The following WLS variants were observed in gnomAD, a reference collection of about 807,000 sequenced individuals.
WLS encodes protein wntless homolog.
Under a neutral mutation model 62.8 loss-of-function variants are expected in WLS, and 23 were observed. The observed-to-expected ratio is 0.37, with a 90% CI of 0.26 to 0.52. WLS has a LOEUF of 0.52. WLS is among the 20% of genes least tolerant of loss of function. WLS has a pLI of 0.92. For synonymous variants in WLS, 246 were observed against 244.1 expected, an observed-to-expected ratio of 1.01 and a Z score of -0.07; for missense variants, 615 against 697.3, an observed-to-expected ratio of 0.88 and a Z score of 1.33.
chr1:68,161,792 T>G, intron 2 of WLS: 1 of 1,601,928 alleles, frequency 6.2e-7, no homozygotes. Flanking sequence ...TCCCCGTGTT[T>G]TGTGGGCTGG....
chr1:68,231,701 A>G (rs1391379002), intron 1 of WLS: 1 of 457,780 alleles, frequency 2.2e-6, no homozygotes, highest in African/African-American at 2.0e-5. Flanking sequence ...TGCATTTACA[A>G]CCGTGCAAGT....
At chr1:68,167,063 G>A (rs1647070188) in intron 2 of WLS, among the ~76,000 whole-genome samples, 1 of 152,184 alleles carries the variant, frequency 6.6e-6, no homozygotes, top group Admixed American at 6.5e-5. Flanking sequence ...GTCAATCTTA[G>A]CAGACCTGGT....
exon 12 of WLS, chr1:68,098,702 T>C (rs144056669): frequency 1.1e-5 from 17 of 1,613,840 alleles, no homozygotes; most frequent in Non-Finnish European, 1.4e-5. Flanking sequence ...TTGATAAAGT[T>C]CCGAAACAAA....
In WLS at chr1:68,232,505, T is replaced by C. The variant is rs547365278; in HGVS notation, c.-206A>G. The C allele has an allele frequency of 6.6e-6, 7 of 1,063,084 alleles. No individual in the cohort carries two copies. The South Asian group carries it at 1.1e-4, about 16-fold the overall frequency. 65.9% of individuals were successfully genotyped at this position (1,063,084 alleles called of 1,614,324 possible). A position where few individuals can be genotyped will look rare whatever the true frequency, so the allele number is the denominator to read the frequency against. On this transcript the variant is annotated 5_prime_UTR_variant, in exon 1 of 12. Coordinates refer to ENST00000262348, the MANE Select transcript of WLS (RefSeq NM_024911.7). ...GCGCAGCCGGCTCGGGTTCCCCCAA[T>C]GCCCGGAGCTGTGATTGTGGCCGCT...
intron 6 of WLS, 92 bp downstream of exon 6, chr1:68,150,096 C>T: frequency 1.5e-6 from 2 of 1,378,690 alleles, no homozygotes; most frequent in Non-Finnish European, 1.0e-6. Flanking sequence ...GTCTCACCCA[C>T]TGCTGACTAG....
Position 68,180,903 on chromosome 1 carries a change from TTAC to T in WLS, c.379+13049_379+13051del, listed in dbSNP as rs370295283. Among the ~76,000 whole-genome samples, 56 of 152,310 alleles carry T rather than the reference TTAC, an allele frequency of 3.7e-4. 1 individual carries two copies. Among genetic ancestry groups the T allele is most frequent in the African/African-American group, 1.3e-3 (53 of 41,568 alleles). On this transcript the variant is annotated intron_variant, in intron 2 of 11. Transcript: ENST00000262348. ...CAGAACCTCTTCTTCCTATAAAGAATTACTACTATCTCTCTACTAACACCATTA... is the reference window on the plus strand; with the variant it reads ...CAGAACCTCTTCTTCCTATAAAGAATTACTATCTCTCTACTAACACCATTA...
At chr1:68,224,044 T>C (rs188704626) in intron 1 of WLS, among the ~76,000 whole-genome samples, 23 of 152,366 alleles carry the variant, frequency 1.5e-4, no homozygotes, top group Non-Finnish European at 2.9e-4. Context: ...CTTGGCCTTT[T>C]CTTTCAATTA....
intron 1 of WLS, among the ~76,000 whole-genome samples, chr1:68,198,873 A>G (rs1047316195): frequency 2.5e-4 from 38 of 152,252 alleles, no homozygotes; most frequent in African/African-American, 9.2e-4. Context: ...TAAGTGAACA[A>G]TGACTAAACC....
At chr1:68,105,534 A>AT (rs1362890589) in intron 11 of WLS, among the ~76,000 whole-genome samples, 2 of 152,214 alleles carry the variant, frequency 1.3e-5, no homozygotes, top group Non-Finnish European at 2.9e-5. Context: ...ATTCCAAACT[A>AT]TGAAACAAAG....
At chr1:68,212,770 C>T (rs1649566675) in intron 1 of WLS, among the ~76,000 whole-genome samples, 1 of 152,142 alleles carries the variant, frequency 6.6e-6, no homozygotes, top group Non-Finnish European at 1.5e-5. Context: ...TTTAAGCTTT[C>T]AGATCTATAG....
intron 11 of WLS, chr1:68,127,142 C>A: frequency 2.6e-6 from 1 of 383,412 alleles, no homozygotes; most frequent in African/African-American, 2.2e-5. Context: ...CTGCAGTGAG[C>A]TATGATTGCA....
intron 2 of WLS, chr1:68,162,497 C>T: frequency 6.2e-7 from 1 of 1,613,888 alleles, no homozygotes; most frequent in Admixed American, 1.7e-5. Context: ...AAGGCCTTGG[C>T]TCGAACTGCA....
chr1:68,144,475 T>TC (rs1421903583), intron 10 of WLS, 94 bp downstream of exon 10: 3 of 1,255,588 alleles, frequency 2.4e-6, no homozygotes, highest in Non-Finnish European at 2.2e-6. Context: ...ATGGCCTCTC[T>TC]CCTCCTTTCC....
chr1:68,230,582 T>TAC (rs1650360942), intron 1 of WLS, among the ~76,000 whole-genome samples: 5 of 142,396 alleles, frequency 3.5e-5, no homozygotes, highest in African/African-American at 1.3e-4. Context: ...TGTGTGTGTG[T>TAC]GCGCGCGTGT....
At chr1:68,222,480 G>A (rs1013598750) in intron 1 of WLS, among the ~76,000 whole-genome samples, 5 of 152,090 alleles carry the variant, frequency 3.3e-5, no homozygotes, top group African/African-American at 9.7e-5. Flanking sequence ...AAAATCAATC[G>A]AGCTATAAGA....
At position 68,125,532 on chromosome 1, in the gene WLS, A is replaced by C. The variant is rs754254759; in HGVS notation, c.*694T>G. 8.2e-5 allele frequency: 81 copies of C among 985,336 alleles called. No homozygotes were observed. The highest frequency in any genetic ancestry group is 9.5e-5 in the Non-Finnish European group (79 of 829,938). The allele number at this position is 985,336 out of a possible 1,614,324, so 61.0% of individuals were successfully genotyped here. A position where few individuals can be genotyped will look rare whatever the true frequency, so the allele number is the denominator to read the frequency against. On this transcript the variant is annotated 3_prime_UTR_variant, in exon 12 of 12. Coordinates refer to ENST00000262348, the MANE Select transcript of WLS (RefSeq NM_024911.7). ...AGACCCGAAGGCCATTTAATACAGT[A>C]AATCTTACTTGGGTAGTTTAGCAAA...
intron 5 of WLS, among the ~76,000 whole-genome samples, chr1:68,150,848 T>A (rs1031245508): frequency 2.6e-5 from 4 of 152,230 alleles, no homozygotes; most frequent in African/African-American, 9.6e-5. Context: ...TTAGCTTTTA[T>A]TTTACTCTTC....
chr1:68,100,510 T>C lies in WLS; in HGVS notation c.1511-1757A>G, dbSNP rs890658936. Among the ~76,000 whole-genome samples the C allele has an allele frequency of 1.1e-4, 16 of 152,146 alleles. No individual in the cohort carries two copies. The South Asian group carries it at 3.3e-3, about 32-fold the overall frequency. On this transcript the variant is annotated intron_variant, in intron 11 of 11. Coordinates refer to the WLS transcript ENST00000354777. ...AAACACATAGTAGAGTTCCTTTAAA[T>C]ATAGTAAATCTTCAACTTTGAGGAA... is the stretch of plus-strand genomic sequence containing the variant.
intron 9 of WLS, 122 bp downstream of exon 9, chr1:68,145,747 G>T: frequency 6.8e-7 from 1 of 1,469,680 alleles, no homozygotes; most frequent in Non-Finnish European, 9.1e-7. Context: ...GATCCTACAT[G>T]AGAATCTCTC....
Sources: gnomAD v4.1 joint callset for allele counts (sites outside exome capture counted in the v4.1 genomes callset) on GRCh38, gnomAD v4.1.1 for gene constraint, MANE v1.5 for transcripts, NCBI Gene and HGNC (gene_info 2026-07-23, HGNC 2026-07-21) for gene names.